TMEM50B: variants seen among roughly 807,000 people sequenced by gnomAD.
TMEM50B encodes HCV p7-trans-regulated protein 3.
A neutral mutation model predicts 23.4 loss-of-function variants in TMEM50B; 14 were observed. The ratio of observed to expected loss-of-function variants is 0.60; its 90% CI spans 0.39 to 0.93. The LOEUF is 0.93. TMEM50B is among the 40% of genes least tolerant of loss of function. TMEM50B has a pLI of 0.00. For synonymous variants in TMEM50B, 64 were observed against 62.3 expected (o/e 1.03, Z -0.13); for missense variants, 159 against 193.0 (o/e 0.82, Z 1.04).
intron 4 of TMEM50B, among the ~76,000 whole-genome samples, chr21:33,462,251 A>G (rs1054751465): frequency 3.3e-5 from 5 of 152,238 alleles, no homozygotes; most frequent in Non-Finnish European, 7.3e-5. Flanking sequence ...AAAGCTTAAG[A>G]GTAGCAATAC....
chr21:33,438,161 G>A (rs1399371245), intron 8 of TMEM50B, among the ~76,000 whole-genome samples: 8 of 152,100 alleles, frequency 5.3e-5, no homozygotes, highest in African/African-American at 1.7e-4. Flanking sequence ...GTGCACACCC[G>A]TAGTCCCAGC....
chr21:33,452,574 T>C (rs1003687376), intron 6 of TMEM50B, among the ~76,000 whole-genome samples: 7 of 152,134 alleles, frequency 4.6e-5, no homozygotes, highest in African/African-American at 1.7e-4. Context: ...ACTCAAAGGG[T>C]ATGACTGCCT....
intron 4 of TMEM50B, 164 bp downstream of exon 4, chr21:33,465,178 C>A: frequency 2.0e-6 from 1 of 510,206 alleles, no homozygotes; most frequent in South Asian, 4.0e-5. Context: ...CAATAACTTA[C>A]TTTCTTAAGG....
intron 7 of TMEM50B, among the ~76,000 whole-genome samples, chr21:33,443,107 T>C (rs2084022340): frequency 6.6e-6 from 1 of 152,210 alleles, no homozygotes; most frequent in African/African-American, 2.4e-5. Context: ...AAGAGTATTT[T>C]TGTATCTGAA....
chr21:33,453,549 T>C (rs2084141899), intron 6 of TMEM50B, among the ~76,000 whole-genome samples: 1 of 151,978 alleles, frequency 6.6e-6, no homozygotes, highest in Non-Finnish European at 1.5e-5. Flanking sequence ...CAAAAAATGC[T>C]TGAAGAAATA....
At position 33,466,901 on chromosome 21, in the gene TMEM50B, A is replaced by G. The variant is rs1253578522; in HGVS notation, c.212+109T>C. ...GGGAATTATGTATGTATCATGTTAAAAAATAGTCTATCAAATAAATTAAAA... is the reference window on the plus strand; with the variant it reads ...GGGAATTATGTATGTATCATGTTAAGAAATAGTCTATCAAATAAATTAAAA... On this transcript the variant is annotated intron_variant, in intron 3 of 6. Coordinates refer to ENST00000542230, the MANE Select transcript of TMEM50B (RefSeq NM_006134.7). The G allele has an allele frequency of 4.9e-6, 4 of 808,644 alleles. No homozygotes were observed. The African/African-American group carries it at 7.0e-5, about 14-fold the overall frequency. The allele number at this position is 808,644 out of a possible 1,614,324, so 50.1% of individuals were successfully genotyped here.
intron 8 of TMEM50B, among the ~76,000 whole-genome samples, chr21:33,433,390 C>T (rs1473193243): frequency 1.3e-5 from 2 of 152,210 alleles, no homozygotes; most frequent in Non-Finnish European, 2.9e-5. Context: ...ATAGATAAAT[C>T]TTTAATAGAT....
intron 7 of TMEM50B, among the ~76,000 whole-genome samples, chr21:33,442,019 G>C (rs1420640810): frequency 3.2e-5 from 3 of 94,960 alleles, no homozygotes; most frequent in Non-Finnish European, 5.6e-5. Flanking sequence ...TTATTTGTTT[G>C]CTTGTTTGTT....
downstream of TMEM50B, among the ~76,000 whole-genome samples, chr21:33,448,006 T>A (rs1026004751): frequency 1.3e-5 from 2 of 152,176 alleles, no homozygotes; most frequent in Admixed American, 1.3e-4. Flanking sequence ...TTATTTTTTA[T>A]TTTCTAGACG....
intron 1 of TMEM50B, among the ~76,000 whole-genome samples, chr21:33,472,615 A>C (rs1450428001): frequency 6.6e-6 from 1 of 152,034 alleles, no homozygotes; most frequent in South Asian, 2.1e-4. Flanking sequence ...GGTGGCTCAC[A>C]CCTGCAATCC....
At chr21:33,433,977 G>A (rs1332309337) in intron 8 of TMEM50B, among the ~76,000 whole-genome samples, 1 of 152,098 alleles carries the variant, frequency 6.6e-6, no homozygotes, top group African/African-American at 2.4e-5. Flanking sequence ...GGGGCCCACA[G>A]GGTGCTTAGG....
At chr21:33,437,883 C>G (rs1163438725) in intron 8 of TMEM50B, among the ~76,000 whole-genome samples, 2 of 151,300 alleles carry the variant, frequency 1.3e-5, no homozygotes, top group Non-Finnish European at 2.9e-5. Flanking sequence ...ACTTGAGAGG[C>G]TAAAGTGGGA....
intron 6 of TMEM50B, among the ~76,000 whole-genome samples, chr21:33,454,550 T>C (rs902682395): frequency 2.0e-5 from 3 of 151,728 alleles, no homozygotes; most frequent in African/African-American, 7.3e-5. Context: ...ATCCACCCAC[T>C]TCAGCCTCCC....
chr21:33,471,734 A>T (rs1022283078), intron 1 of TMEM50B, among the ~76,000 whole-genome samples: 1 of 152,124 alleles, frequency 6.6e-6, no homozygotes, highest in Non-Finnish European at 1.5e-5. Flanking sequence ...ATGTAAAAAG[A>T]TTCAAATGAA....
rs2084397091 is a variant in TMEM50B at position 33,478,694 on chromosome 21, T to C, written c.-42+1144A>G. On this transcript the variant is annotated intron_variant, in intron 1 of 6. Transcript: ENST00000542230. ...ACCTGCTTTTCCAGCGCGATAAATATTCAAGATAACTTTTGGTTTGCATTT... is the reference window on the plus strand; with the variant it reads ...ACCTGCTTTTCCAGCGCGATAAATACTCAAGATAACTTTTGGTTTGCATTT... The C allele has an allele frequency of 6.6e-6, 3 of 457,066 alleles. No homozygotes were observed. In the East Asian group the frequency reaches 2.1e-4, roughly 32 times the overall value. 28.3% of individuals were successfully genotyped at this position (457,066 alleles called of 1,614,324 possible). A position where few individuals can be genotyped will look rare whatever the true frequency, so the allele number is the denominator to read the frequency against.
chr21:33,470,640 G>A (rs951070041), intron 1 of TMEM50B, among the ~76,000 whole-genome samples: 7 of 152,010 alleles, frequency 4.6e-5, no homozygotes, highest in African/African-American at 1.7e-4. Flanking sequence ...GGGAGGCTGA[G>A]GCAGGAGAAT....
intron 1 of TMEM50B, among the ~76,000 whole-genome samples, chr21:33,477,002 T>C (rs969860827): frequency 7.3e-5 from 11 of 151,716 alleles, no homozygotes; most frequent in African/African-American, 2.7e-4. Context: ...TGCAACATTC[T>C]GAAAATGAGG....
At chr21:33,463,156 G>GT (rs2084232472) in intron 4 of TMEM50B, among the ~76,000 whole-genome samples, 1 of 152,186 alleles carries the variant, frequency 6.6e-6, no homozygotes, top group African/African-American at 2.4e-5. Flanking sequence ...GCCAGGCGTG[G>GT]TGGCAGGCAC....
downstream of TMEM50B, among the ~76,000 whole-genome samples, chr21:33,446,457 G>A (rs1449916084): frequency 1.3e-5 from 2 of 150,264 alleles, no homozygotes; most frequent in Admixed American, 6.7e-5. Flanking sequence ...GGCTGATCTC[G>A]AACTCCTGAC....
Sources: gnomAD v4.1 joint callset for allele counts (sites outside exome capture counted in the v4.1 genomes callset) on GRCh38, gnomAD v4.1.1 for gene constraint, MANE v1.5 for transcripts, NCBI Gene and HGNC (gene_info 2026-07-23, HGNC 2026-07-21) for gene names.